The following SYT16 variants were observed in gnomAD, a reference collection of about 807,000 sequenced individuals.
SYT16 encodes the protein synaptotagmin 16, also known as synaptotagmin-16.
SYT16 carries 42 observed loss-of-function variants against 61.4 expected under a neutral mutation model. The ratio of observed to expected loss-of-function variants is 0.68; its 90% CI spans 0.53 to 0.89. The LOEUF (loss-of-function observed/expected upper bound fraction) is 0.89. Among genes scored for constraint, SYT16 ranks in the 40% least tolerant of loss-of-function variants. The probability of loss-of-function intolerance (pLI) is 0.00; values close to 1 mark genes in which losing one functional copy is unlikely to be tolerated. For synonymous variants in SYT16, 314 were observed against 302.3 expected, an observed-to-expected ratio of 1.04 and a Z score of -0.40; for missense variants, 804 against 807.3, an observed-to-expected ratio of 1.00 and a Z score of 0.05.
intron 4 of SYT16, among the ~76,000 whole-genome samples, chr14:62,071,618 AT>A (rs536156213): frequency 1.3e-5 from 2 of 152,130 alleles, no homozygotes; most frequent in African/African-American, 4.8e-5. Context: ...TTATTGCTTG[AT>A]TTTTTTTGTT....
At chr14:61,866,177 G>T (rs1291962166) in intron 1 of SYT16, among the ~76,000 whole-genome samples, 1 of 151,846 alleles carries the variant, frequency 6.6e-6, no homozygotes. Flanking sequence ...ATGAATACTC[G>T]TGTATAAGTA....
intron 1 of SYT16, among the ~76,000 whole-genome samples, chr14:61,856,772 G>A (rs1056841667): frequency 6.6e-6 from 1 of 152,180 alleles, no homozygotes; most frequent in African/African-American, 2.4e-5. Context: ...TTTGGGAGAT[G>A]TTAAACACCA....
At chr14:61,840,037 T>G (rs2046257911) in intron 1 of SYT16, among the ~76,000 whole-genome samples, 1 of 152,020 alleles carries the variant, frequency 6.6e-6, no homozygotes, top group Non-Finnish European at 1.5e-5. Flanking sequence ...TCATGGGGAA[T>G]GTGTGGATAT....
intron 1 of SYT16, among the ~76,000 whole-genome samples, chr14:61,866,839 A>C (rs1217602323): frequency 1.3e-5 from 2 of 152,070 alleles, no homozygotes; most frequent in Non-Finnish European, 2.9e-5. Context: ...CCTAATCCAA[A>C]GTCAAAAGAA....
chr14:62,003,146 T>G (rs1486918737), intron 3 of SYT16, among the ~76,000 whole-genome samples: 4 of 151,990 alleles, frequency 2.6e-5, no homozygotes, highest in African/African-American at 9.7e-5. Flanking sequence ...CTTCCCCAAG[T>G]GGCCTAAGGC....
chr14:62,054,360 G>GTTGTGTTTTTTTTTTT (rs1411904235), intron 3 of SYT16, among the ~76,000 whole-genome samples: 11 of 118,260 alleles, frequency 9.3e-5, no homozygotes, highest in Admixed American at 2.6e-4. Flanking sequence ...AGTGAAGTGA[G>GTTGTGTTTTTTTTTTT]TTTTTTTTTT....
At chr14:61,969,551 A>T (rs1438107094) in intron 1 of SYT16, among the ~76,000 whole-genome samples, 1 of 152,204 alleles carries the variant, frequency 6.6e-6, no homozygotes, top group Non-Finnish European at 1.5e-5. Flanking sequence ...TACAATTTGC[A>T]TTTCTTATAT....
intron 1 of SYT16, among the ~76,000 whole-genome samples, chr14:61,949,515 G>A (rs1266189039): frequency 6.6e-6 from 1 of 152,096 alleles, no homozygotes; most frequent in African/African-American, 2.4e-5. Context: ...CTGTTCACAG[G>A]TATAATCATA....
chr14:62,008,267 G>A (rs2053305661), intron 3 of SYT16, among the ~76,000 whole-genome samples: 1 of 151,998 alleles, frequency 6.6e-6, no homozygotes, highest in African/African-American at 2.4e-5. Context: ...TACAGTGGGA[G>A]GAGTTTCTAA....
intron 3 of SYT16, among the ~76,000 whole-genome samples, chr14:62,028,153 T>A (rs1342006068): frequency 6.6e-6 from 1 of 152,228 alleles, no homozygotes; most frequent in East Asian, 1.9e-4. Context: ...TTATATGATG[T>A]GCTGACTAGT....
At chr14:61,911,076 T>C (rs945882903) in intron 1 of SYT16, among the ~76,000 whole-genome samples, 1 of 152,254 alleles carries the variant, frequency 6.6e-6, no homozygotes, top group African/African-American at 2.4e-5. Flanking sequence ...GACTTGCAGG[T>C]AGCACTTTGA....
At chr14:62,089,178 G>A (rs900674243) in intron 7 of SYT16, among the ~76,000 whole-genome samples, 2 of 152,054 alleles carry the variant, frequency 1.3e-5, no homozygotes, top group African/African-American at 4.8e-5. Context: ...AATTAGCCAG[G>A]CATGGTGGCA....
chr14:61,850,363 G>A (rs2046575967), intron 1 of SYT16, among the ~76,000 whole-genome samples: 1 of 152,010 alleles, frequency 6.6e-6, no homozygotes, highest in Non-Finnish European at 1.5e-5. Context: ...TCAAACTCCT[G>A]ACCTTAGATT....
chr14:62,067,911 A>C (rs990009967), intron 3 of SYT16, among the ~76,000 whole-genome samples: 4 of 152,178 alleles, frequency 2.6e-5, no homozygotes, highest in Non-Finnish European at 5.9e-5. Context: ...GCTTGAACCT[A>C]GGAGACAGAG....
intron 3 of SYT16, 75 bp downstream of exon 3, chr14:61,996,617 T>C: frequency 1.3e-6 from 2 of 1,498,936 alleles, no homozygotes; most frequent in Middle Eastern, 1.8e-4. Context: ...GACTTGTTTT[T>C]AGTTATCATG....
intron 2 of SYT16, among the ~76,000 whole-genome samples, chr14:61,989,507 G>A (rs1157514915): frequency 6.6e-6 from 1 of 152,178 alleles, no homozygotes; most frequent in Non-Finnish European, 1.5e-5. Context: ...TTGTTGCAGT[G>A]AGCCGAGATC....
chr14:62,036,868 T>C (rs775695313), intron 3 of SYT16, among the ~76,000 whole-genome samples: 6 of 152,156 alleles, frequency 3.9e-5, no homozygotes, highest in Non-Finnish European at 7.3e-5. Context: ...CACCATATAC[T>C]GAGCAAGTGC....
chr14:61,854,919 A>G (rs1289687288), intron 1 of SYT16, among the ~76,000 whole-genome samples: 1 of 151,860 alleles, frequency 6.6e-6, no homozygotes, highest in Non-Finnish European at 1.5e-5. Context: ...GCCTCTATAT[A>G]TAGAAGAGGA....
At chr14:62,018,822 A>T (rs909138961) in intron 3 of SYT16, among the ~76,000 whole-genome samples, 1 of 151,970 alleles carries the variant, frequency 6.6e-6, no homozygotes, top group Non-Finnish European at 1.5e-5. Context: ...TCCATGCCTT[A>T]TGTTTCACTC....
Sources: gnomAD v4.1 joint callset for allele counts (sites outside exome capture counted in the v4.1 genomes callset) on GRCh38, gnomAD v4.1.1 for gene constraint, MANE v1.5 for transcripts, NCBI Gene and HGNC (gene_info 2026-07-23, HGNC 2026-07-21) for gene names.